PTPRD: variants seen among roughly 807,000 people sequenced by gnomAD.
The protein encoded by PTPRD is receptor-type tyrosine-protein phosphatase delta.
PTPRD carries 34 observed loss-of-function variants against 214.5 expected under a neutral mutation model. The observed-to-expected ratio is 0.16, with a 90% CI of 0.12 to 0.21. The LOEUF (loss-of-function observed/expected upper bound fraction) is 0.21. Among genes scored for constraint, PTPRD ranks in the 10% least tolerant of loss-of-function variants. The pLI, the probability that PTPRD is intolerant of heterozygous loss-of-function variation, is 1.00. For missense variants in PTPRD, 2,545 were observed against 2,398.7 expected (o/e 1.06, Z -1.27); for synonymous variants, 1,128 against 845.7 (o/e 1.33, Z -5.79).
At chr9:9,976,518 C>G (rs1364326354) in intron 4 of PTPRD, among the ~76,000 whole-genome samples, 2 of 151,284 alleles carry the variant, frequency 1.3e-5, no homozygotes, top group Non-Finnish European at 2.9e-5. Flanking sequence ...TCCCAAGTAG[C>G]TGGGATTACA....
chr9:10,516,481 C>G (rs1335257528), intron 2 of PTPRD, among the ~76,000 whole-genome samples: 4 of 151,838 alleles, frequency 2.6e-5, no homozygotes, highest in African/African-American at 9.7e-5. Context: ...AAACCTTTAT[C>G]AGATATATGG....
intron 11 of PTPRD, among the ~76,000 whole-genome samples, chr9:8,820,409 G>A (rs2097028365): frequency 6.6e-6 from 1 of 151,978 alleles, no homozygotes; most frequent in South Asian, 2.1e-4. Flanking sequence ...ATTGAAGAGA[G>A]TATATTTAAA....
chr9:10,345,672 C>T (rs1044177674), intron 2 of PTPRD, among the ~76,000 whole-genome samples: 1 of 152,180 alleles, frequency 6.6e-6, no homozygotes. Context: ...CATTGATGGA[C>T]ATTTGTGTTG....
At chr9:8,672,359 T>A (rs1344330397) in intron 12 of PTPRD, among the ~76,000 whole-genome samples, 2 of 152,152 alleles carry the variant, frequency 1.3e-5, no homozygotes, top group Non-Finnish European at 2.9e-5. Flanking sequence ...GAGACAGACA[T>A]TAATTTTCCC....
intron 5 of PTPRD, among the ~76,000 whole-genome samples, chr9:9,820,106 C>A (rs1303716919): frequency 6.6e-6 from 1 of 152,160 alleles, no homozygotes; most frequent in African/African-American, 2.4e-5. Flanking sequence ...TTCTTACCAA[C>A]AGTGTATAAG....
At chr9:9,360,556 T>C (rs995235287) in intron 9 of PTPRD, among the ~76,000 whole-genome samples, 7 of 151,150 alleles carry the variant, frequency 4.6e-5, no homozygotes, top group African/African-American at 1.5e-4. Context: ...ATTGGGAAAT[T>C]ATCTAGAAGT....
At chr9:8,655,294 G>A (rs761451848) in intron 12 of PTPRD, among the ~76,000 whole-genome samples, 1 of 152,084 alleles carries the variant, frequency 6.6e-6, no homozygotes, top group Non-Finnish European at 1.5e-5. Context: ...CTGCCTCTTT[G>A]GGGAAATGTG....
intron 5 of PTPRD, among the ~76,000 whole-genome samples, chr9:9,874,411 A>G (rs889726132): frequency 1.3e-5 from 2 of 152,170 alleles, no homozygotes; most frequent in African/African-American, 4.8e-5. Context: ...TATTATATAC[A>G]TTTGGGTCAG....
chr9:10,382,053 C>G (rs368654325), intron 2 of PTPRD, among the ~76,000 whole-genome samples: 28 of 151,942 alleles, frequency 1.8e-4, no homozygotes, highest in African/African-American at 6.5e-4. Context: ...TCTTCAAATC[C>G]AGTAAGTCGT....
intron 12 of PTPRD, among the ~76,000 whole-genome samples, chr9:8,649,519 G>A (rs1414110548): frequency 2.0e-5 from 3 of 152,218 alleles, no homozygotes; most frequent in African/African-American, 7.2e-5. Context: ...GGAGACGTGT[G>A]TGTACACATG....
chr9:10,519,257 CAAAAA>C lies in PTPRD; in HGVS notation c.-600+93136_-600+93140del, dbSNP rs35808416. Among the ~76,000 whole-genome samples the C allele has an allele frequency of 1.1e-4, 8 of 71,464 alleles. No homozygotes were observed. The South Asian group carries it at 2.2e-3, about 20-fold the overall frequency. The allele number at this position is 71,464 out of a possible 152,430, so 46.9% of individuals were successfully genotyped here. A position where few individuals can be genotyped will look rare whatever the true frequency, so the allele number is the denominator to read the frequency against. ...AGAAGAACTCCTCTCATTTCCTCCA[CAAAAA>C]AAAAAAAAAAAAAAAAAAAAGCAAC... On this transcript the variant is annotated intron_variant, in intron 2 of 45. Transcript: ENST00000381196.
At chr9:8,654,968 C>A (rs1473769666) in intron 12 of PTPRD, among the ~76,000 whole-genome samples, 3 of 151,844 alleles carry the variant, frequency 2.0e-5, no homozygotes, top group Non-Finnish European at 2.9e-5. Flanking sequence ...TTGTTTTTTT[C>A]ATAAGAAAAA....
Position 8,537,796 on chromosome 9 carries a change from T to A in PTPRD, c.353-9017A>T, listed in dbSNP as rs573775041. 3.3e-5 allele frequency among the ~76,000 whole-genome samples: 5 copies of A among 152,112 alleles called. No individual in the cohort carries two copies. The East Asian group carries it at 9.7e-4, about 29-fold the overall frequency. On this transcript the variant is annotated intron_variant, in intron 14 of 45. Coordinates refer to ENST00000381196, the MANE Select transcript of PTPRD (RefSeq NM_002839.4). ...AATAAAACAAACTGTTTAGAAGCAA[T>A]GCATGCAATCATCCTACAAATTACA...
At chr9:9,208,546 T>A (rs1201040064) in intron 9 of PTPRD, among the ~76,000 whole-genome samples, 1 of 152,100 alleles carries the variant, frequency 6.6e-6, no homozygotes, top group Non-Finnish European at 1.5e-5. Flanking sequence ...AATATTTACA[T>A]ATTTATCAAA....
At chr9:10,516,323 G>C (rs925400966) in intron 2 of PTPRD, among the ~76,000 whole-genome samples, 2 of 151,774 alleles carry the variant, frequency 1.3e-5, no homozygotes, top group African/African-American at 4.8e-5. Flanking sequence ...TTGACAATTA[G>C]TGATGTTGAG....
At chr9:8,960,090 C>A (rs554444699) in intron 11 of PTPRD, among the ~76,000 whole-genome samples, 51 of 152,026 alleles carry the variant, frequency 3.4e-4, no homozygotes, top group Non-Finnish European at 6.6e-4. Flanking sequence ...AGTTCATATT[C>A]CCTTGGAAAT....
intron 11 of PTPRD, among the ~76,000 whole-genome samples, chr9:8,925,961 C>A (rs2098886925): frequency 6.7e-6 from 1 of 148,894 alleles, no homozygotes; most frequent in Non-Finnish European, 1.5e-5. Context: ...TGTTTACAAT[C>A]CTTCATCAAT....
At chr9:10,371,382 A>G (rs1342887990) in intron 2 of PTPRD, among the ~76,000 whole-genome samples, 2 of 152,068 alleles carry the variant, frequency 1.3e-5, no homozygotes, top group Non-Finnish European at 2.9e-5. Flanking sequence ...TTTCTTGTAC[A>G]ACTTTTTCCT....
chr9:10,359,460 T>G (rs1474661972), intron 2 of PTPRD, among the ~76,000 whole-genome samples: 1 of 152,060 alleles, frequency 6.6e-6, no homozygotes, highest in East Asian at 1.9e-4. Context: ...ATATTTTAAA[T>G]AAGGCCCAAA....
Sources: allele counts gnomAD v4.1 joint callset (sites outside exome capture counted in the v4.1 genomes callset), GRCh38; gene constraint gnomAD v4.1.1; transcripts MANE v1.5; gene names NCBI Gene and HGNC (gene_info 2026-07-23, HGNC 2026-07-21).